The following PFDN1 variants were observed in gnomAD, a reference collection of about 807,000 sequenced individuals.
PFDN1 encodes prefoldin 1.
PFDN1 carries 6 observed loss-of-function variants against 17.3 expected under a neutral mutation model. The observed-to-expected ratio is 0.35, with a 90% CI of 0.19 to 0.69. The LOEUF is 0.69. Ranked by LOEUF, PFDN1 falls within the 30% of genes least tolerant of loss-of-function variation. The pLI, the probability that PFDN1 is intolerant of heterozygous loss-of-function variation, is 0.65. For synonymous variants in PFDN1, 58 were observed against 50.1 expected, an observed-to-expected ratio of 1.16 and a Z score of -0.67; for missense variants, 113 against 146.2, an observed-to-expected ratio of 0.77 and a Z score of 1.17.
intron 3 of PFDN1, among the ~76,000 whole-genome samples, chr5:140,260,521 G>C (rs1420608255): frequency 1.3e-5 from 2 of 151,412 alleles, no homozygotes. Context: ...AAAAACGAGA[G>C]AAGTACTGAT....
At chr5:140,279,812 A>G (rs1395172571) in intron 3 of PFDN1, among the ~76,000 whole-genome samples, 2 of 151,928 alleles carry the variant, frequency 1.3e-5, no homozygotes, top group Non-Finnish European at 2.9e-5. Flanking sequence ...CCTGACCAAC[A>G]AGGAGAAATC....
chr5:140,246,154 T>C lies in PFDN1; in HGVS notation c.286-97A>G, dbSNP rs1764826617. On this transcript the variant is annotated intron_variant, in intron 3 of 3. Coordinates refer to ENST00000261813, the MANE Select transcript of PFDN1 (RefSeq NM_002622.5). ...TCCAATGGTTATGGCTTTTCCTTTGTGACAGGCAACTTTCAGGAGTATACT... is the reference window on the plus strand; with the variant it reads ...TCCAATGGTTATGGCTTTTCCTTTGCGACAGGCAACTTTCAGGAGTATACT... 14 of 784,174 alleles carry C rather than the reference T, an allele frequency of 1.8e-5. No homozygotes were observed. The South Asian group carries it at 2.1e-4, about 11-fold the overall frequency. The allele number at this position is 784,174 out of a possible 1,614,324, so 48.6% of individuals were successfully genotyped here.
At chr5:140,290,918 G>C (rs181980512) in intron 2 of PFDN1, among the ~76,000 whole-genome samples, 2 of 152,274 alleles carry the variant, frequency 1.3e-5, no homozygotes, top group African/African-American at 4.8e-5. Flanking sequence ...GGTGAGGTAC[G>C]ATGAAGAAAA....
intron 3 of PFDN1, among the ~76,000 whole-genome samples, chr5:140,260,054 C>T (rs1168029791): frequency 1.3e-5 from 2 of 151,972 alleles, no homozygotes; most frequent in African/African-American, 4.8e-5. Flanking sequence ...TAATCAAAAA[C>T]CGGCCAGATG....
At chr5:140,291,671 A>C (rs201855636) in intron 2 of PFDN1, among the ~76,000 whole-genome samples, 66,233 of 148,114 alleles carry the variant, frequency 0.45, 15,097 homozygotes, top group South Asian at 0.71. Context: ...CATATAGACA[A>C]AAAAAAAGAA....
intron 3 of PFDN1, among the ~76,000 whole-genome samples, chr5:140,267,161 C>T (rs1405916030): frequency 1.3e-5 from 2 of 152,142 alleles, no homozygotes; most frequent in Non-Finnish European, 2.9e-5. Flanking sequence ...ACACATGCTG[C>T]GGTGTGGGTT....
chr5:140,274,238 A>G (rs1765255797), intron 3 of PFDN1, among the ~76,000 whole-genome samples: 1 of 152,228 alleles, frequency 6.6e-6, no homozygotes, highest in Non-Finnish European at 1.5e-5. Flanking sequence ...GTCAAAAAAG[A>G]CTTCTACTTT....
chr5:140,291,886 G>C (rs1003645243), intron 2 of PFDN1, among the ~76,000 whole-genome samples: 1 of 152,048 alleles, frequency 6.6e-6, no homozygotes, highest in African/African-American at 2.4e-5. Flanking sequence ...AATAAGATGA[G>C]GACTGAGAAC....
intron 3 of PFDN1, among the ~76,000 whole-genome samples, chr5:140,278,581 A>C (rs149893347): frequency 0.23 from 29,542 of 126,636 alleles, 3,863 homozygotes; most frequent in African/African-American, 0.41. Context: ...AAAAAAAAAA[A>C]AAAAAACAAA....
Position 140,249,858 on chromosome 5 carries a change from G to A in PFDN1, c.286-3801C>T, listed in dbSNP as rs184714129. ...GTACCAAGCCATACACAAGAAACCC[G>A]CCCCCATAATCCAAACATCTCCCAC... On this transcript the variant is annotated intron_variant, in intron 3 of 3. Coordinates refer to ENST00000261813, the MANE Select transcript of PFDN1 (RefSeq NM_002622.5). 1.2e-3 allele frequency among the ~76,000 whole-genome samples: 184 copies of A among 152,144 alleles called. 1 individual carries two copies. In the Middle Eastern group the frequency reaches 0.02, roughly 17 times the overall value.
rs898671818 is a variant in PFDN1 at position 140,245,157 on chromosome 5, T to C, written c.*817A>G. 6.5e-5 allele frequency: 19 copies of C among 290,112 alleles called. No individual in the cohort carries two copies. The highest frequency in any genetic ancestry group is 3.0e-4 in the African/African-American group (14 of 46,110). 18.0% of individuals were successfully genotyped at this position (290,112 alleles called of 1,614,324 possible). A position where few individuals can be genotyped will look rare whatever the true frequency, so the allele number is the denominator to read the frequency against. ...TAATGGCTGTGTTTGACAACTGGCT[T>C]GCAACAAAATTCTTGAAAATTGAAT... On this transcript the variant is annotated 3_prime_UTR_variant, in exon 4 of 4. Transcript: ENST00000261813.
chr5:140,291,718 A>G (rs528628735), intron 2 of PFDN1, among the ~76,000 whole-genome samples: 5 of 152,338 alleles, frequency 3.3e-5, no homozygotes, highest in Admixed American at 1.3e-4. Flanking sequence ...AGTAAATTTA[A>G]TATTTACAAA....
chr5:140,296,050 A>G (rs1045900951), intron 2 of PFDN1, among the ~76,000 whole-genome samples: 1 of 152,172 alleles, frequency 6.6e-6, no homozygotes, highest in East Asian at 1.9e-4. Flanking sequence ...AGAATTAGAC[A>G]ACCTTCTCAA....
At chr5:140,284,368 GTT>G (rs894547861) in intron 2 of PFDN1, among the ~76,000 whole-genome samples, 2 of 152,186 alleles carry the variant, frequency 1.3e-5, no homozygotes, top group African/African-American at 4.8e-5. Flanking sequence ...GGAAAGTTTG[GTT>G]TAGTCCTCAA....
chr5:140,247,523 C>G (rs1335326189), intron 3 of PFDN1, among the ~76,000 whole-genome samples: 1 of 152,186 alleles, frequency 6.6e-6, no homozygotes, highest in East Asian at 1.9e-4. Context: ...CTTCCGTGAA[C>G]CTCTGATTCC....
chr5:140,274,666 C>T (rs1028316988), intron 3 of PFDN1, among the ~76,000 whole-genome samples: 1 of 152,084 alleles, frequency 6.6e-6, no homozygotes, highest in African/African-American at 2.4e-5. Flanking sequence ...CCCAATTAAT[C>T]CCATTACAGT....
At chr5:140,273,881 A>G (rs140909570) in intron 3 of PFDN1, 1 of 984,070 alleles carries the variant, frequency 1.0e-6, no homozygotes, top group African/African-American at 1.7e-5. Context: ...TGCCTAAAAT[A>G]TAACAGACTT....
At chr5:140,260,636 C>A (rs2126681647) in intron 3 of PFDN1, among the ~76,000 whole-genome samples, 1 of 149,666 alleles carries the variant, frequency 6.7e-6, no homozygotes, top group South Asian at 2.2e-4. Context: ...CCAAAACAGG[C>A]AAATCTGCAG....
chr5:140,261,397 C>T (rs1368381926), intron 3 of PFDN1, among the ~76,000 whole-genome samples: 1 of 152,168 alleles, frequency 6.6e-6, no homozygotes, highest in East Asian at 1.9e-4. Context: ...TAATAAGGTA[C>T]TGTAGTAGAG....
Sources: gnomAD v4.1 joint callset for allele counts (sites outside exome capture counted in the v4.1 genomes callset) on GRCh38, gnomAD v4.1.1 for gene constraint, MANE v1.5 for transcripts, NCBI Gene and HGNC (gene_info 2026-07-23, HGNC 2026-07-21) for gene names.